The following RAI1 variants were observed in gnomAD, a reference collection of about 807,000 sequenced individuals.
RAI1 encodes retinoic acid-induced protein 1.
A neutral mutation model predicts 123.8 loss-of-function variants in RAI1; 9 were observed. The ratio of observed to expected loss-of-function variants is 0.07; its 90% CI spans 0.04 to 0.13. RAI1 has a LOEUF of 0.13. Ranked by LOEUF, RAI1 falls within the 10% of genes least tolerant of loss-of-function variation. RAI1 has a pLI of 1.00. For synonymous variants in RAI1, 1,231 were observed against 1,127.3 expected (o/e 1.09, Z -1.84); for missense variants, 2,256 against 2,545.8 (o/e 0.89, Z 2.45).
rs2032771352 is a variant in RAI1 at position 17,811,145 on chromosome 17, GC to G, written c.*1169del. 2 of 280,238 alleles carry G rather than the reference GC, an allele frequency of 7.1e-6. No individual in the cohort carries two copies. The highest frequency in any genetic ancestry group is 1.4e-5 in the Non-Finnish European group (2 of 141,828). The allele number at this position is 280,238 out of a possible 1,614,324, so 17.4% of individuals were successfully genotyped here. A position where few individuals can be genotyped will look rare whatever the true frequency, so the allele number is the denominator to read the frequency against. On this transcript the variant is annotated 3_prime_UTR_variant, in exon 6 of 6. Coordinates refer to ENST00000353383, the MANE Select transcript of RAI1 (RefSeq NM_030665.4). ...TCCACGCTTCGATAGGCCTGACGCA[GC>G]CCCCAGCCCAGGGCCGCCCTAGCAA...
chr17:17,726,515 G>A (rs1222455600), intron 2 of RAI1, among the ~76,000 whole-genome samples: 1 of 152,210 alleles, frequency 6.6e-6, no homozygotes, highest in Non-Finnish European at 1.5e-5. Context: ...CCGTTTTCAA[G>A]AACCTTTTTC....
At chr17:17,702,494 C>T (rs543464504) in intron 1 of RAI1, among the ~76,000 whole-genome samples, 1 of 152,370 alleles carries the variant, frequency 6.6e-6, no homozygotes, top group South Asian at 2.1e-4. Flanking sequence ...CTGCCCAACT[C>T]CATGCCCCTT....
chr17:17,744,647 G>A (rs961996440), intron 2 of RAI1, among the ~76,000 whole-genome samples: 9 of 151,782 alleles, frequency 5.9e-5, no homozygotes, highest in African/African-American at 1.7e-4. Flanking sequence ...AAAATTAGCC[G>A]GGCGTGATGG....
In RAI1 at chr17:17,797,155, C is replaced by A; in HGVS notation, c.4207C>A (p.Pro1403Thr). 6.2e-7 allele frequency: 1 copy of A among 1,614,026 alleles called. No homozygotes were observed. Among genetic ancestry groups the A allele is most frequent in the African/African-American group, 1.3e-5 (1 of 75,060 alleles). ...TGGGGCTGATCCGTTATGCAGAAATCCAACCAACAGATCCTTAAAAGGCAA... is the reference window on the plus strand; with the variant it reads ...TGGGGCTGATCCGTTATGCAGAAATACAACCAACAGATCCTTAAAAGGCAA... ...TSGADPLCRN[P>T]TNRSLKGKLM... Residue 1403 changes from proline to threonine, a missense_variant, in exon 3 of 6, where the codon CCA (proline) becomes ACA (threonine). This residue lies in a region of RAI1 where 410 missense variants were observed against 374.6 expected (regional missense o/e 1.09). Transcript: ENST00000353383.
chr17:17,783,141 A>T (rs1378552920), intron 2 of RAI1, among the ~76,000 whole-genome samples: 1 of 152,082 alleles, frequency 6.6e-6, no homozygotes, highest in East Asian at 1.9e-4. Context: ...CCTCCGCCTC[A>T]TGGCGAGTGC....
In RAI1 at chr17:17,737,334, C is replaced by T. The variant is rs951825816; in HGVS notation, c.-17+13175C>T. ...TGTGGTCCTTGTTTTGCACATGGCCCGAGGGAGGGTCTTGCCCAGACTCAC... is the reference window on the plus strand; with the variant it reads ...TGTGGTCCTTGTTTTGCACATGGCCTGAGGGAGGGTCTTGCCCAGACTCAC... On this transcript the variant is annotated intron_variant, in intron 2 of 5. Transcript: ENST00000353383. Among the ~76,000 whole-genome samples, 12 of 152,058 alleles carry T rather than the reference C, an allele frequency of 7.9e-5. 1 individual carries two copies. The highest frequency in any genetic ancestry group is 2.2e-4 in the African/African-American group (9 of 41,406).
intron 1 of RAI1, among the ~76,000 whole-genome samples, chr17:17,702,117 G>A (rs563834064): frequency 1.4e-4 from 22 of 152,342 alleles, no homozygotes; most frequent in African/African-American, 4.8e-4. Flanking sequence ...TCCAGGTAGG[G>A]AAACAATTGG....
chr17:17,742,497 A>G (rs1388813147), intron 2 of RAI1, among the ~76,000 whole-genome samples: 1 of 152,242 alleles, frequency 6.6e-6, no homozygotes, highest in African/African-American at 2.4e-5. Flanking sequence ...GTCTGAAACT[A>G]TCTATCTGGA....
chr17:17,716,044 G>A (rs1915704288), intron 1 of RAI1, among the ~76,000 whole-genome samples: 1 of 152,200 alleles, frequency 6.6e-6, no homozygotes, highest in African/African-American at 2.4e-5. Flanking sequence ...AAGACTTAAG[G>A]GCATGTCATA....
chr17:17,769,296 G>C (rs2031054264), intron 2 of RAI1, among the ~76,000 whole-genome samples: 1 of 152,194 alleles, frequency 6.6e-6, no homozygotes, highest in African/African-American at 2.4e-5. Context: ...GATGGATGGG[G>C]GTGTCCCCCC....
intron 2 of RAI1, chr17:17,777,915 GAC>G (rs1468936241): frequency 6.6e-6 from 1 of 152,284 alleles, no homozygotes; most frequent in East Asian, 1.9e-4. Context: ...AGGGCTTGGG[GAC>G]ACAGAGCCAG....
At chr17:17,724,406 CTTTT>C (rs771760855) in intron 2 of RAI1, among the ~76,000 whole-genome samples, 9 of 103,754 alleles carry the variant, frequency 8.7e-5, no homozygotes, top group Admixed American at 2.0e-4. Context: ...TCTTTCTTTC[CTTTT>C]TTTTTTTTTT....
chr17:17,717,974 G>A (rs1915763714), intron 1 of RAI1, among the ~76,000 whole-genome samples: 4 of 152,164 alleles, frequency 2.6e-5, no homozygotes, highest in Admixed American at 2.6e-4. Flanking sequence ...AGGGAAGGAT[G>A]GACAGACACA....
At chr17:17,746,640 T>TTC (rs2029935400) in intron 2 of RAI1, among the ~76,000 whole-genome samples, 1 of 148,166 alleles carries the variant, frequency 6.7e-6, no homozygotes. Flanking sequence ...TTTTCTTTTT[T>TTC]TTTTTTTTTT....
chr17:17,804,820 G>A (rs1321745832), intron 4 of RAI1, among the ~76,000 whole-genome samples: 1 of 151,750 alleles, frequency 6.6e-6, no homozygotes, highest in African/African-American at 2.4e-5. Flanking sequence ...AGCCATGCTG[G>A]CTCCTAGTAG....
chr17:17,810,844 C>A lies in RAI1; in HGVS notation c.*863C>A. On this transcript the variant is annotated 3_prime_UTR_variant, in exon 6 of 6. Coordinates refer to ENST00000353383, the MANE Select transcript of RAI1 (RefSeq NM_030665.4). This position sits in a 1 kb window ranked among gnomAD's most constrained non-coding sequence, Gnocchi z 4.6. ...GACCGTTGTGCACCACCAGGGACCG[C>A]CGCGCCTACTCTGCACGGGAGCAGG... is the stretch of plus-strand genomic sequence containing the variant. 1 of 452,694 alleles carries A rather than the reference C, an allele frequency of 2.2e-6. No homozygotes were observed. Among genetic ancestry groups the A allele is most frequent in the Non-Finnish European group, 4.5e-6 (1 of 223,936 alleles). The allele number at this position is 452,694 out of a possible 1,614,324, so 28.0% of individuals were successfully genotyped here. A position where few individuals can be genotyped will look rare whatever the true frequency, so the allele number is the denominator to read the frequency against.
chr17:17,739,087 CAG>C (rs1741684533), intron 2 of RAI1, among the ~76,000 whole-genome samples: 1 of 152,218 alleles, frequency 6.6e-6, no homozygotes. Flanking sequence ...ACAAGGGAGA[CAG>C]AGGCAATTCA....
chr17:17,739,526 G>A (rs941348670), intron 2 of RAI1, among the ~76,000 whole-genome samples: 2 of 152,240 alleles, frequency 1.3e-5, no homozygotes, highest in South Asian at 2.1e-4. Context: ...GCCTTTGGCC[G>A]TAAGGCCTGG....
intron 2 of RAI1, among the ~76,000 whole-genome samples, chr17:17,784,997 C>T (rs1200826540): frequency 2.0e-5 from 3 of 152,006 alleles, no homozygotes; most frequent in Admixed American, 6.5e-5. Flanking sequence ...TGATCACCTC[C>T]TCTCCCCACC....
Sources: allele counts gnomAD v4.1 joint callset (sites outside exome capture counted in the v4.1 genomes callset), GRCh38; gene constraint gnomAD v4.1.1; regional missense constraint gnomAD v4.1.1; non-coding constraint Gnocchi (gnomAD v3.1); transcripts MANE v1.5; gene names NCBI Gene and HGNC (gene_info 2026-07-23, HGNC 2026-07-21).